PDE4D: variants seen among roughly 807,000 people sequenced by gnomAD.
The protein encoded by PDE4D is 3',5'-cyclic-AMP phosphodiesterase 4D.
A neutral mutation model predicts 87.4 loss-of-function variants in PDE4D; 24 were observed. The ratio of observed to expected loss-of-function variants is 0.27; its 90% CI spans 0.20 to 0.39. PDE4D has a LOEUF of 0.39. Among genes scored for constraint, PDE4D ranks in the 10% least tolerant of loss-of-function variants. The pLI, the probability that PDE4D is intolerant of heterozygous loss-of-function variation, is 1.00. For synonymous variants in PDE4D, 384 were observed against 383.2 expected (o/e 1.00, Z -0.02); for missense variants, 714 against 1,041.0 (o/e 0.69, Z 4.32).
intron 1 of PDE4D, among the ~76,000 whole-genome samples, chr5:60,287,138 A>C (rs1752493498): frequency 6.6e-6 from 1 of 152,230 alleles, no homozygotes; most frequent in African/African-American, 2.4e-5. Context: ...TGTGTGTCCA[A>C]GGCACTACTC....
intron 2 of PDE4D, among the ~76,000 whole-genome samples, chr5:60,044,473 C>A (rs970595007): frequency 1.3e-5 from 2 of 152,108 alleles, no homozygotes; most frequent in African/African-American, 4.8e-5. Context: ...ACTAACTCGT[C>A]ATCTAGCATT....
intron 1 of PDE4D, among the ~76,000 whole-genome samples, chr5:59,474,275 G>A (rs1802933681): frequency 6.6e-6 from 1 of 152,048 alleles, no homozygotes; most frequent in African/African-American, 2.4e-5. Context: ...ATATGACAAA[G>A]TTAACCAAGA....
chr5:59,992,970 C>A (rs1291827007), intron 2 of PDE4D, among the ~76,000 whole-genome samples: 1 of 152,036 alleles, frequency 6.6e-6, no homozygotes, highest in East Asian at 1.9e-4. Context: ...GGTTAAATGC[C>A]TTTATTTTGG....
chr5:60,493,900 C>G (rs1286576768), intron 1 of PDE4D, among the ~76,000 whole-genome samples: 3 of 152,118 alleles, frequency 2.0e-5, no homozygotes, highest in East Asian at 3.8e-4. Flanking sequence ...GTACCACTTA[C>G]CACATAAATT....
intron 5 of PDE4D, among the ~76,000 whole-genome samples, chr5:59,144,894 G>GC (rs1415201795): frequency 7.6e-6 from 1 of 131,128 alleles, no homozygotes; most frequent in African/African-American, 3.2e-5. Flanking sequence ...GTTTAATGGG[G>GC]GGGGGGGGGG....
chr5:60,155,440 G>A (rs886287934), intron 2 of PDE4D, among the ~76,000 whole-genome samples: 5 of 152,098 alleles, frequency 3.3e-5, no homozygotes, highest in African/African-American at 4.8e-5. Flanking sequence ...TGGGATGTGT[G>A]TCTCATTCTT....
intron 1 of PDE4D, among the ~76,000 whole-genome samples, chr5:59,286,108 G>T (rs747518397): frequency 6.6e-6 from 1 of 152,106 alleles, no homozygotes; most frequent in South Asian, 2.1e-4. Context: ...TGAGAGGACC[G>T]AAGGGCACTA....
chr5:60,076,993 G>T (rs1773368875), intron 2 of PDE4D, among the ~76,000 whole-genome samples: 1 of 152,196 alleles, frequency 6.6e-6, no homozygotes. Context: ...GGTGGTATTA[G>T]CATGGGGTTG....
At chr5:59,800,834 C>T (rs1767043236) in intron 1 of PDE4D, among the ~76,000 whole-genome samples, 1 of 152,134 alleles carries the variant, frequency 6.6e-6, no homozygotes, top group African/African-American at 2.4e-5. Flanking sequence ...GTTGCTCTTC[C>T]AGTCTCCCTG....
At chr5:59,688,351 G>C (rs1175255769) in intron 1 of PDE4D, among the ~76,000 whole-genome samples, 2 of 152,144 alleles carry the variant, frequency 1.3e-5, no homozygotes, top group African/African-American at 4.8e-5. Context: ...TTAAAGAACA[G>C]AAATTACAAC....
At chr5:59,617,713 C>T (rs1829872567) in intron 1 of PDE4D, among the ~76,000 whole-genome samples, 1 of 152,190 alleles carries the variant, frequency 6.6e-6, no homozygotes, top group Non-Finnish European at 1.5e-5. Context: ...CCTTCCCTAG[C>T]TCCTTTACAG....
At chr5:59,863,087 A>G (rs1338695753) in intron 1 of PDE4D, among the ~76,000 whole-genome samples, 1 of 152,202 alleles carries the variant, frequency 6.6e-6, no homozygotes, top group Non-Finnish European at 1.5e-5. Context: ...AGGGCATTAG[A>G]TGATCTTCTT....
intron 1 of PDE4D, among the ~76,000 whole-genome samples, chr5:59,842,753 T>C (rs917838935): frequency 6.6e-6 from 1 of 152,076 alleles, no homozygotes; most frequent in Admixed American, 6.5e-5. Flanking sequence ...TTAAAATGAT[T>C]CTTTTCAGTT....
chr5:59,531,759 G>C (rs1263367502), intron 1 of PDE4D, among the ~76,000 whole-genome samples: 1 of 152,156 alleles, frequency 6.6e-6, no homozygotes, highest in Non-Finnish European at 1.5e-5. Flanking sequence ...TTGCTTAGAA[G>C]GACTTGTGTG....
intron 1 of PDE4D, among the ~76,000 whole-genome samples, chr5:59,877,814 G>A (rs1039076482): frequency 6.6e-6 from 1 of 151,014 alleles, no homozygotes; most frequent in Non-Finnish European, 1.5e-5. Context: ...GCAAGATTCT[G>A]CCAAAAAAAA....
chr5:60,222,709 A>G (rs1019129484), intron 1 of PDE4D, among the ~76,000 whole-genome samples: 5 of 152,092 alleles, frequency 3.3e-5, no homozygotes, highest in African/African-American at 1.2e-4. Flanking sequence ...TGAGGTTTAA[A>G]TTTATATCTC....
chr5:59,060,765 C>T (rs572340742), intron 5 of PDE4D, among the ~76,000 whole-genome samples: 7 of 152,224 alleles, frequency 4.6e-5, no homozygotes, highest in African/African-American at 1.2e-4. Context: ...TAGTAGATGG[C>T]TAAACTGCTT....
intron 2 of PDE4D, among the ~76,000 whole-genome samples, chr5:60,084,131 T>A (rs561414034): frequency 1.1e-3 from 160 of 152,350 alleles, no homozygotes; most frequent in Non-Finnish European, 1.2e-3. Context: ...CCAGATTTGG[T>A]AATATGCTAA....
rs1309336758 is a variant in PDE4D, at chr5:59,552,386, C to A, written c.456-336418G>T. On this transcript the variant is annotated intron_variant, in intron 1 of 14. Transcript: ENST00000340635. ...TTCCTTTGGCTCTTCCAGGTAAATA[C>A]CCACATAGCTATAAAGTCAGTTTTC... Among the ~76,000 whole-genome samples, 4 of 152,066 alleles carry A rather than the reference C, an allele frequency of 2.6e-5. No homozygotes were observed. The South Asian group carries it at 6.2e-4, about 24-fold the overall frequency.
Sources: gnomAD v4.1 joint callset for allele counts (sites outside exome capture counted in the v4.1 genomes callset) on GRCh38, gnomAD v4.1.1 for gene constraint, MANE v1.5 for transcripts, NCBI Gene and HGNC (gene_info 2026-07-23, HGNC 2026-07-21) for gene names.